ZNF773: variants seen among roughly 807,000 people sequenced by gnomAD.
The protein encoded by ZNF773 is zinc finger protein 773.
ZNF773 carries 11 observed loss-of-function variants against 12.8 expected under a neutral mutation model. The ratio of observed to expected loss-of-function variants is 0.86; its 90% CI spans 0.54 to 1.42. ZNF773 has a LOEUF of 1.42. Ranked by LOEUF, ZNF773 falls within the 40% of genes most tolerant of loss-of-function variation. The pLI is 0.00. For missense variants in ZNF773, 518 were observed against 527.2 expected (o/e 0.98, Z 0.17); for synonymous variants, 175 against 178.4 (o/e 0.98, Z 0.15).
chr19:57,512,067 C>T (rs1212196277), downstream of ZNF773, among the ~76,000 whole-genome samples: 1 of 152,114 alleles, frequency 6.6e-6, no homozygotes, highest in Non-Finnish European at 1.5e-5. Context: ...GTAATTTTCT[C>T]TATCATGACT....
In ZNF773 at chr19:57,499,941, C is replaced by T; in HGVS notation, c.-140C>T. ...CTCAGCTTGCCGGAAGCTGGTTGTT[C>T]GCTGCGGCGACCAGCTCCGGAAAGC... On this transcript the variant is annotated 5_prime_UTR_variant, in exon 1 of 4. Coordinates refer to ENST00000282292, the MANE Select transcript of ZNF773 (RefSeq NM_198542.3). 1.7e-6 allele frequency: 2 copies of T among 1,181,806 alleles called. No individual in the cohort carries two copies. The highest frequency in any genetic ancestry group is 2.8e-5 in the East Asian group (1 of 35,226). 73.2% of individuals were successfully genotyped at this position (1,181,806 alleles called of 1,614,324 possible). A position where few individuals can be genotyped will look rare whatever the true frequency, so the allele number is the denominator to read the frequency against.
intron 1 of ZNF773, 135 bp from the exon 2 acceptor site, chr19:57,504,522 A>C (rs1249163195): frequency 7.7e-7 from 1 of 1,292,938 alleles, no homozygotes; most frequent in Admixed American, 2.1e-5. Flanking sequence ...GAGAGTGGGC[A>C]TCAGTGGTTC....
At chr19:57,516,214 C>T (rs999668333), downstream of ZNF773, 2 of 155,888 alleles carry the variant, frequency 1.3e-5, no homozygotes, top group African/African-American at 2.4e-5. Context: ...ACTGGAGTCA[C>T]ACTGACATCA....
Position 57,507,522 on chromosome 19 carries a change from C to G in ZNF773, c.*98C>G. On this transcript the variant is annotated 3_prime_UTR_variant, in exon 4 of 4. Transcript: ENST00000282292. ...AAGGTTACTAATGGAAATCCATTAG[C>G]TATACCTCCAAACTCATTCAACACT... 1 of 1,481,412 alleles carries G rather than the reference C, an allele frequency of 6.8e-7. No individual in the cohort carries two copies. Among genetic ancestry groups the G allele is most frequent in the Non-Finnish European group, 8.9e-7 (1 of 1,121,816 alleles). 91.8% of individuals were successfully genotyped at this position (1,481,412 alleles called of 1,614,324 possible). A position where few individuals can be genotyped will look rare whatever the true frequency, so the allele number is the denominator to read the frequency against.
At chr19:57,505,568 C>A (rs888141640) in intron 3 of ZNF773, among the ~76,000 whole-genome samples, 168 bp downstream of exon 3, 1 of 152,066 alleles carries the variant, frequency 6.6e-6, no homozygotes, top group Non-Finnish European at 1.5e-5. Flanking sequence ...GATAGTTGAC[C>A]CAGGGCCATT....
chr19:57,504,152 A>G (rs372071966), intron 1 of ZNF773, among the ~76,000 whole-genome samples: 4 of 152,302 alleles, frequency 2.6e-5, no homozygotes, highest in Admixed American at 6.5e-5. Flanking sequence ...AGTCAGTGCC[A>G]TTGGAGGTCT....
chr19:57,506,736 C>T lies in ZNF773; in HGVS notation c.641C>T (p.Thr214Ile), dbSNP rs554581707. The change falls in exon 4 of 4, where the codon ACT becomes ATT. Residue 214 changes from threonine (T) to isoleucine (I), a missense_variant. By Grantham distance (89) the Thr-to-Ile change is moderately conservative. Transcript: ENST00000282292. ...YLLVQHQRLH[T>I]GEKPYECSEC... Reference sequence around the variant, plus strand: ...CTTGTTCAGCACCAGAGACTGCACACTGGGGAAAAGCCTTATGAATGCAGT... The same window carrying T: ...CTTGTTCAGCACCAGAGACTGCACATTGGGGAAAAGCCTTATGAATGCAGT... 18 of 1,614,116 alleles carry T rather than the reference C, an allele frequency of 1.1e-5. No homozygotes were observed. Among genetic ancestry groups the T allele is most frequent in the Non-Finnish European group, 1.5e-5 (18 of 1,180,050 alleles).
intron 1 of ZNF773, among the ~76,000 whole-genome samples, chr19:57,502,900 C>A (rs1244508830): frequency 6.6e-6 from 1 of 151,982 alleles, no homozygotes; most frequent in South Asian, 2.1e-4. Context: ...ACCGTGTTAG[C>A]CAGGATGATC....
downstream of ZNF773, chr19:57,517,612 T>G (rs1568585479): frequency 6.6e-6 from 1 of 152,176 alleles, no homozygotes; most frequent in Non-Finnish European, 1.5e-5. Flanking sequence ...TAAAGACTAC[T>G]GTTCTGTGGC....
In ZNF773 at chr19:57,506,988, CT is replaced by C. The variant is rs2017636430; in HGVS notation, c.894del (p.Gly299GlufsTer2). 1 of 1,614,094 alleles carries C rather than the reference CT, an allele frequency of 6.2e-7. No individual in the cohort carries two copies. Among genetic ancestry groups the C allele is most frequent in the Non-Finnish European group, 8.5e-7 (1 of 1,180,058 alleles). ...CTTGTTCAGCATCACAGAATCCACA[CT>C]GGAGTAAGGCCTTATGAGTGCAGTG... The part of the protein sequence containing the change: ...STLVQHHRIH[T>X]GVRPYECSEC... On this transcript the variant is annotated frameshift_variant, in exon 4 of 4. Coordinates refer to ENST00000282292, the MANE Select transcript of ZNF773 (RefSeq NM_198542.3). LOFTEE classifies it low-confidence loss of function (END_TRUNC).
chr19:57,505,803 C>G (rs2089724803), intron 3 of ZNF773, among the ~76,000 whole-genome samples: 1 of 146,824 alleles, frequency 6.8e-6, no homozygotes, highest in South Asian at 2.4e-4. Flanking sequence ...CTCCGCCTAT[C>G]AGGTTGATGC....
rs751186414 is a variant in ZNF773, at chr19:57,506,588, C to A, written c.493C>A (p.His165Asn). 6.2e-7 allele frequency: 1 copy of A among 1,614,196 alleles called. No individual in the cohort carries two copies. The highest frequency in any genetic ancestry group is 8.5e-7 in the Non-Finnish European group (1 of 1,180,024). ...TCTGACCAGCTCAGGTGTTCTCAAG[C>A]ACCAGGTGACTCACACGGGAGAGAA... Reference protein sequence around the residue: ...DLLTSSGVLKHQVTHTGEKSH... With the variant: ...DLLTSSGVLKNQVTHTGEKSH... Residue 165 changes from histidine to asparagine, a missense_variant, in exon 4 of 4, where the codon CAC becomes AAC. Coordinates refer to ENST00000282292, the MANE Select transcript of ZNF773 (RefSeq NM_198542.3).
At position 57,506,653 on chromosome 19, in the gene ZNF773, T is replaced by C. The variant is rs367925406; in HGVS notation, c.558T>C (p.Ala186=). 5 of 1,614,106 alleles carry C rather than the reference T, an allele frequency of 3.1e-6. No individual in the cohort carries two copies. In the African/African-American group the frequency reaches 6.7e-5, roughly 22 times the overall value. Residue 186 remains alanine (A), a synonymous_variant, in exon 4 of 4, where the codon GCT becomes GCC. Coordinates refer to ENST00000282292, the MANE Select transcript of ZNF773 (RefSeq NM_198542.3). The part of the protein sequence containing the change: ...RSSKSREAFH[A]GKRHYKCSEC... ...CCAAAAGTAGGGAGGCCTTTCATGC[T>C]GGAAAAAGGCATTACAAATGCAGTG... is the stretch of plus-strand genomic sequence containing the variant.
rs1239922863 is a variant in ZNF773 at position 57,507,657 on chromosome 19, C to G, written c.*233C>G. 3 of 1,334,952 alleles carry G rather than the reference C, an allele frequency of 2.2e-6. No homozygotes were observed. Among genetic ancestry groups the G allele is most frequent in the Non-Finnish European group, 2.9e-6 (3 of 1,050,194 alleles). 82.7% of individuals were successfully genotyped at this position (1,334,952 alleles called of 1,614,324 possible). On this transcript the variant is annotated 3_prime_UTR_variant, in exon 4 of 4. Transcript: ENST00000282292. Reference sequence around the variant, plus strand: ...AGACTGGAGAAAGGCCTTAGACTGTCGCTGAATCAATATGACCTGACTTAA... The same window carrying G: ...AGACTGGAGAAAGGCCTTAGACTGTGGCTGAATCAATATGACCTGACTTAA...
Position 57,506,867 on chromosome 19 carries a change from C to T in ZNF773, c.772C>T (p.Arg258Cys), listed in dbSNP as rs778520071. The change falls in exon 4 of 4, where the codon CGT becomes TGT. Residue 258 changes from arginine to cysteine, a missense_variant. Physicochemically the swap from Arg to Cys is radical, Grantham distance 180 (BLOSUM62 -3). Transcript: ENST00000282292. ...GCSDCGKSFS[R>C]NADLIQHQRV... ...TAGTGACTGTGGAAAATCCTTTAGC[C>T]GTAATGCTGACCTCATTCAACACCA... 3 of 1,613,880 alleles carry T rather than the reference C, an allele frequency of 1.9e-6. No individual in the cohort carries two copies. Among genetic ancestry groups the T allele is most frequent in the African/African-American group, 1.3e-5 (1 of 74,832 alleles).
chr19:57,501,985 C>G (rs1053547906), intron 1 of ZNF773, among the ~76,000 whole-genome samples: 1 of 152,144 alleles, frequency 6.6e-6, no homozygotes, highest in Non-Finnish European at 1.5e-5. Flanking sequence ...TCTTGTTGCC[C>G]AGGCTGGAGT....
chr19:57,502,095 G>A (rs143047361), intron 1 of ZNF773, among the ~76,000 whole-genome samples: 4,115 of 152,148 alleles, frequency 0.027, 69 homozygotes, highest in Non-Finnish European at 0.042. Flanking sequence ...GGCACGTGCC[G>A]TCACGCCCGG....
downstream of ZNF773, chr19:57,517,206 A>G (rs1309783711): frequency 6.6e-6 from 1 of 152,224 alleles, no homozygotes; most frequent in Non-Finnish European, 1.5e-5. Flanking sequence ...CGGGTAAACA[A>G]TGCCCAATCG....
chr19:57,502,860 T>C (rs972270942), intron 1 of ZNF773, among the ~76,000 whole-genome samples: 4 of 151,982 alleles, frequency 2.6e-5, no homozygotes, highest in African/African-American at 9.7e-5. Context: ...CCAGATAATT[T>C]TTTTGTATTT....
Sources: allele counts gnomAD v4.1 joint callset (sites outside exome capture counted in the v4.1 genomes callset), GRCh38; gene constraint gnomAD v4.1.1; transcripts MANE v1.5; gene names NCBI Gene and HGNC (gene_info 2026-07-23, HGNC 2026-07-21).